The following ST6GAL1 variants were observed in gnomAD, a reference collection of about 807,000 sequenced individuals.
ST6GAL1 encodes the protein beta-galactoside alpha-2,6-sialyltransferase 1.
In ST6GAL1, 20 loss-of-function variants were observed where a neutral mutation model predicts 38.0. That is an observed-to-expected ratio of 0.53 (90% CI 0.37 to 0.77). The LOEUF (loss-of-function observed/expected upper bound fraction) is 0.77. Ranked by LOEUF, ST6GAL1 falls within the 30% of genes least tolerant of loss-of-function variation. The pLI, the probability that ST6GAL1 is intolerant of heterozygous loss-of-function variation, is 0.00. For missense variants in ST6GAL1, 432 were observed against 496.4 expected, an observed-to-expected ratio of 0.87 and a Z score of 1.23; for synonymous variants, 196 against 188.2, an observed-to-expected ratio of 1.04 and a Z score of -0.34.
At chr3:187,024,031 T>G (rs1717426855) in intron 2 of ST6GAL1, among the ~76,000 whole-genome samples, 1 of 151,818 alleles carries the variant, frequency 6.6e-6, no homozygotes, top group Non-Finnish European at 1.5e-5. Flanking sequence ...TACCAGGACT[T>G]AGATCCTTTT....
intron 2 of ST6GAL1, among the ~76,000 whole-genome samples, chr3:186,984,475 C>T (rs574531132): frequency 6.6e-6 from 1 of 152,266 alleles, no homozygotes; most frequent in African/African-American, 2.4e-5. Context: ...GTTTGTTCCT[C>T]CCGGACCCCG....
At chr3:186,976,291 CAG>C (rs1352324254) in intron 2 of ST6GAL1, among the ~76,000 whole-genome samples, 3 of 152,168 alleles carry the variant, frequency 2.0e-5, no homozygotes, top group East Asian at 3.8e-4. Flanking sequence ...GAATTGGAAA[CAG>C]AGAGTTGATA....
chr3:186,986,629 A>G (rs1715933112), intron 2 of ST6GAL1: 1 of 152,096 alleles, frequency 6.6e-6, no homozygotes, highest in South Asian at 2.1e-4. Flanking sequence ...TCTTTACTGC[A>G]CGGCGATTAT....
At chr3:186,958,984 A>G (rs1169291392) in intron 1 of ST6GAL1, among the ~76,000 whole-genome samples, 1 of 150,512 alleles carries the variant, frequency 6.6e-6, no homozygotes, top group Admixed American at 6.6e-5. Context: ...AAATAAATAA[A>G]TAAATAAATA....
intron 2 of ST6GAL1, among the ~76,000 whole-genome samples, chr3:186,993,883 A>G (rs929609649): frequency 6.6e-6 from 1 of 152,180 alleles, no homozygotes; most frequent in Non-Finnish European, 1.5e-5. Flanking sequence ...AGCGATACTT[A>G]TAACAATGAT....
chr3:187,050,931 T>C (rs1199107110), intron 4 of ST6GAL1, among the ~76,000 whole-genome samples: 1 of 152,234 alleles, frequency 6.6e-6, no homozygotes, highest in African/African-American at 2.4e-5. Flanking sequence ...CTGGAGTAGC[T>C]ACTCCACTGT....
At chr3:187,002,247 A>G (rs575209006) in intron 2 of ST6GAL1, among the ~76,000 whole-genome samples, 1 of 152,314 alleles carries the variant, frequency 6.6e-6, no homozygotes, top group African/African-American at 2.4e-5. Flanking sequence ...TATTTCATAT[A>G]CTTATTAGTT....
intron 3 of ST6GAL1, 34 bp downstream of exon 3, chr3:187,038,907 G>A (rs896572655): frequency 1.3e-5 from 2 of 152,222 alleles, no homozygotes; most frequent in African/African-American, 4.8e-5. Context: ...GCTAGCAAAG[G>A]GGTACATTCC....
intron 1 of ST6GAL1, among the ~76,000 whole-genome samples, chr3:186,956,013 G>C (rs1034875333): frequency 6.6e-6 from 1 of 152,056 alleles, no homozygotes; most frequent in African/African-American, 2.4e-5. Context: ...AACTTTTTCA[G>C]AGTAACACAG....
intron 2 of ST6GAL1, among the ~76,000 whole-genome samples, chr3:187,020,823 A>G (rs1717270468): frequency 6.6e-6 from 1 of 152,244 alleles, no homozygotes; most frequent in Non-Finnish European, 1.5e-5. Context: ...GTCTGGTTTT[A>G]TACATTTTAG....
At chr3:186,936,992 G>T (rs1713981598) in intron 1 of ST6GAL1, among the ~76,000 whole-genome samples, 1 of 147,900 alleles carries the variant, frequency 6.8e-6, no homozygotes, top group Admixed American at 6.7e-5. Flanking sequence ...GGATAATTTG[G>T]AAAGTACTGT....
At chr3:187,031,415 G>A (rs1184528719) in intron 2 of ST6GAL1, among the ~76,000 whole-genome samples, 1 of 152,054 alleles carries the variant, frequency 6.6e-6, no homozygotes, top group Non-Finnish European at 1.5e-5. Flanking sequence ...GATGGTGACT[G>A]TTGTAATCCC....
chr3:187,027,649 T>C (rs749120049), intron 2 of ST6GAL1, among the ~76,000 whole-genome samples: 20 of 152,276 alleles, frequency 1.3e-4, no homozygotes, highest in Non-Finnish European at 2.9e-4. Flanking sequence ...AGGCTTCCTT[T>C]CTGTAGAAGC....
intron 5 of ST6GAL1, among the ~76,000 whole-genome samples, chr3:187,067,546 T>C (rs1022170392): frequency 3.9e-4 from 60 of 152,086 alleles, no homozygotes; most frequent in African/African-American, 1.3e-3. Flanking sequence ...CCCCAGCCAC[T>C]TTCTGTTTCT....
chr3:186,993,545 A>C, intron 2 of ST6GAL1, among the ~76,000 whole-genome samples: 1 of 150,114 alleles, frequency 6.7e-6, no homozygotes, highest in African/African-American at 2.5e-5. Context: ...CAGTTAGATA[A>C]CTTGACAGAG....
At chr3:186,946,383 TA>T (rs1200200552) in intron 1 of ST6GAL1, among the ~76,000 whole-genome samples, 2 of 137,106 alleles carry the variant, frequency 1.5e-5, no homozygotes, top group African/African-American at 7.2e-5. Context: ...TTAAAAAACT[TA>T]TTATTATTAT....
At chr3:187,027,691 G>T (rs1027818685) in intron 2 of ST6GAL1, among the ~76,000 whole-genome samples, 1 of 152,162 alleles carries the variant, frequency 6.6e-6, no homozygotes, top group Non-Finnish European at 1.5e-5. Flanking sequence ...CGGACTCAGT[G>T]CACTTCAACA....
At chr3:187,030,075 A>T (rs982252772) in intron 2 of ST6GAL1, among the ~76,000 whole-genome samples, 1 of 152,242 alleles carries the variant, frequency 6.6e-6, no homozygotes, top group Non-Finnish European at 1.5e-5. Flanking sequence ...AGAGGAGATC[A>T]AAGGACTGTG....
intron 2 of ST6GAL1, among the ~76,000 whole-genome samples, chr3:187,012,365 C>G (rs952719091): frequency 6.6e-6 from 1 of 151,986 alleles, no homozygotes; most frequent in African/African-American, 2.4e-5. Context: ...TCAAGTGATT[C>G]TCCTGCCTCA....
Sources: allele counts gnomAD v4.1 joint callset (sites outside exome capture counted in the v4.1 genomes callset), GRCh38; gene constraint gnomAD v4.1.1; transcripts MANE v1.5; gene names NCBI Gene and HGNC (gene_info 2026-07-23, HGNC 2026-07-21).